VPS13A: variants seen among roughly 807,000 people sequenced by gnomAD.
VPS13A encodes vacuolar protein sorting 13 homolog A.
VPS13A carries 264 observed loss-of-function variants against 390.9 expected under a neutral mutation model. That is an observed-to-expected ratio of 0.68 (90% confidence interval 0.61 to 0.75). VPS13A has a LOEUF of 0.75. VPS13A is among the 30% of genes least tolerant of loss of function. The probability of loss-of-function intolerance (pLI) is 0.00; values close to 1 mark genes in which losing one functional copy is unlikely to be tolerated. For missense variants in VPS13A, 3,409 were observed against 3,733.9 expected (o/e 0.91, Z 2.27); for synonymous variants, 1,231 against 1,227.1 (o/e 1.00, Z -0.07).
chr9:77,278,351 G>A (rs1390061039), intron 26 of VPS13A, among the ~76,000 whole-genome samples: 2 of 151,630 alleles, frequency 1.3e-5, no homozygotes, highest in Admixed American at 1.3e-4. Context: ...GGGATTACAG[G>A]CGTGAGCCAC....
intron 31 of VPS13A, among the ~76,000 whole-genome samples, chr9:77,289,241 C>G (rs904712517): frequency 6.6e-6 from 1 of 152,082 alleles, no homozygotes; most frequent in Non-Finnish European, 1.5e-5. Context: ...AAATGGGTTT[C>G]TTACAGTCAG....
At chr9:77,375,191 G>T (rs529277992) in intron 67 of VPS13A, among the ~76,000 whole-genome samples, 16 of 152,048 alleles carry the variant, frequency 1.1e-4, no homozygotes, top group African/African-American at 3.9e-4. Context: ...TTATAATTCT[G>T]TACCCAGGTA....
At chr9:77,346,811 A>C (rs1181639518) in intron 52 of VPS13A, among the ~76,000 whole-genome samples, 1 of 152,222 alleles carries the variant, frequency 6.6e-6, no homozygotes, top group East Asian at 1.9e-4. Flanking sequence ...TGGACAAAAG[A>C]ATCTGGAAAC....
intron 35 of VPS13A, among the ~76,000 whole-genome samples, chr9:77,312,761 G>A (rs1194345876): frequency 6.6e-6 from 1 of 152,182 alleles, no homozygotes; most frequent in East Asian, 1.9e-4. Flanking sequence ...CACCAGATGA[G>A]ATAAGTTGTA....
chr9:77,400,835 A>G (rs1013817629), intron 68 of VPS13A, among the ~76,000 whole-genome samples: 10 of 151,732 alleles, frequency 6.6e-5, no homozygotes, highest in African/African-American at 2.4e-4. Context: ...CTGAAAAAAA[A>G]AAAAAAAAGT....
intron 9 of VPS13A, 116 bp downstream of exon 9, chr9:77,213,430 G>A (rs1286194945): frequency 2.1e-5 from 17 of 818,444 alleles, no homozygotes; most frequent in Non-Finnish European, 3.4e-5. Flanking sequence ...CAATCTATTA[G>A]CAGAATTTAC....
At position 77,361,266 on chromosome 9, in the gene VPS13A, C is replaced by G. The variant is rs754761659; in HGVS notation, c.8211+625C>G. ...TCATCCCCAAAAGGAACTGCCTGTG[C>G]AGCCACTGATACACTTTGTGTCTTT... On this transcript the variant is annotated intron_variant, in intron 59 of 71. Transcript: ENST00000360280. Among the ~76,000 whole-genome samples the G allele has an allele frequency of 6.4e-4, 97 of 152,140 alleles. 1 individual carries two copies. The highest frequency in any genetic ancestry group is 1.3e-3 in the Non-Finnish European group (91 of 67,966).
chr9:77,225,915 A>G lies in VPS13A; in HGVS notation c.1162-11A>G. 1 of 1,603,838 alleles carries G rather than the reference A, an allele frequency of 6.2e-7. No homozygotes were observed. The highest frequency in any genetic ancestry group is 1.1e-5 in the South Asian group (1 of 90,634). ...TTGTAAAGTTAACACATTTTTGTTT[A>G]TATTTTTCAGGAGTTGGAAAAAACC... On this transcript the variant is annotated splice_polypyrimidine_tract_variant and intron_variant, in intron 13 of 71. Coordinates refer to ENST00000360280, the MANE Select transcript of VPS13A (RefSeq NM_033305.3).
chr9:77,400,684 C>T (rs1045227575), intron 68 of VPS13A, among the ~76,000 whole-genome samples: 3 of 151,522 alleles, frequency 2.0e-5, no homozygotes, highest in Non-Finnish European at 2.9e-5. Flanking sequence ...AAAAATTAGC[C>T]GGGCGTGGTG....
At chr9:77,380,220 A>G (rs938281496) in intron 67 of VPS13A, among the ~76,000 whole-genome samples, 6 of 151,890 alleles carry the variant, frequency 4.0e-5, no homozygotes, top group Admixed American at 2.0e-4. Flanking sequence ...TTTAGTTGCA[A>G]CCAGTTTGTG....
intron 33 of VPS13A, 142 bp downstream of exon 33, chr9:77,295,988 A>C (rs1243575828): frequency 2.2e-6 from 2 of 918,352 alleles, no homozygotes; most frequent in Non-Finnish European, 3.2e-6. Flanking sequence ...TTCCTTAAGT[A>C]TATTTTGGCA....
intron 68 of VPS13A, chr9:77,382,839 T>G: frequency 1.0e-6 from 1 of 985,410 alleles, no homozygotes; most frequent in Non-Finnish European, 1.2e-6. Flanking sequence ...AATAGACAGT[T>G]TGAAGTTAGA....
At chr9:77,406,143 G>GAAAAAA (rs11325886) in intron 70 of VPS13A, among the ~76,000 whole-genome samples, 156 bp downstream of exon 70, 1 of 139,656 alleles carries the variant, frequency 7.2e-6, no homozygotes. Context: ...AGGCTTAAAG[G>GAAAAAA]AAAAAAAAAA....
Position 77,275,575 on chromosome 9 carries a change from A to G in VPS13A, c.2590A>G (p.Ile864Val), listed in dbSNP as rs763027189. The G allele has an allele frequency of 2.5e-6, 4 of 1,613,774 alleles. No homozygotes were observed. The highest frequency in any genetic ancestry group is 3.4e-6 in the Non-Finnish European group (4 of 1,179,738). ...TCAGTTTCCAACTGGAGTTAAAAGT[A>G]TTCGAACCAGAAAGTTACAAAAGCA... Reference protein sequence around the residue: ...PLQFPTGVKSIRTRKLQKQDC... With the variant: ...PLQFPTGVKSVRTRKLQKQDC... Residue 864 changes from isoleucine (I) to valine (V), a missense_variant, in exon 25 of 72, where the codon ATT (isoleucine) becomes GTT (valine). Coordinates refer to ENST00000360280, the MANE Select transcript of VPS13A (RefSeq NM_033305.3).
chr9:77,408,172 T>G (rs1472119835), intron 71 of VPS13A, among the ~76,000 whole-genome samples: 5 of 152,242 alleles, frequency 3.3e-5, no homozygotes, highest in Non-Finnish European at 4.4e-5. Context: ...TTAGGGATTA[T>G]GGCAATCAAT....
At chr9:77,414,831 G>A (rs1298417947) in intron 71 of VPS13A, among the ~76,000 whole-genome samples, 2 of 151,952 alleles carry the variant, frequency 1.3e-5, no homozygotes, top group Admixed American at 6.6e-5. Context: ...GCCAGACTCA[G>A]AAGAGATCCC....
intron 71 of VPS13A, 52 bp downstream of exon 71, chr9:77,407,659 T>C: frequency 2.2e-6 from 3 of 1,337,716 alleles, no homozygotes; most frequent in Non-Finnish European, 3.2e-6. Flanking sequence ...TTCAAAATCA[T>C]GTAAGTGGAC....
rs964104041 is a variant in VPS13A, at chr9:77,417,835, C to T, written c.*1829C>T. 1 of 152,130 alleles carries T rather than the reference C, an allele frequency of 6.6e-6. No individual in the cohort carries two copies. Among genetic ancestry groups the T allele is most frequent in the Non-Finnish European group, 1.5e-5 (1 of 68,036 alleles). 9.4% of individuals were successfully genotyped at this position (152,130 alleles called of 1,614,324 possible). ...AGCAGGAGTGGGTCTTGTGACTAAT[C>T]CACATGGAAAGGATAGTGCCTGTCT... On this transcript the variant is annotated 3_prime_UTR_variant, in exon 72 of 72. Coordinates refer to ENST00000360280, the MANE Select transcript of VPS13A (RefSeq NM_033305.3).
intron 54 of VPS13A, among the ~76,000 whole-genome samples, chr9:77,354,825 A>G (rs1465593505): frequency 6.6e-6 from 1 of 152,164 alleles, no homozygotes; most frequent in Non-Finnish European, 1.5e-5. Flanking sequence ...ACAGCTTGCT[A>G]TCTACCAGCG....
Sources: gnomAD v4.1 joint callset for allele counts (sites outside exome capture counted in the v4.1 genomes callset) on GRCh38, gnomAD v4.1.1 for gene constraint, MANE v1.5 for transcripts, NCBI Gene and HGNC (gene_info 2026-07-23, HGNC 2026-07-21) for gene names.